The following TYRO3 variants were observed in gnomAD, a reference collection of about 807,000 sequenced individuals.
TYRO3 encodes TYRO3 protein tyrosine kinase, also known as tyrosine-protein kinase receptor TYRO3.
TYRO3 carries 38 observed loss-of-function variants against 95.2 expected under a neutral mutation model. The observed-to-expected ratio is 0.40, with a 90% CI of 0.31 to 0.52. TYRO3 has a LOEUF of 0.52. Among genes scored for constraint, TYRO3 ranks in the 20% least tolerant of loss-of-function variants. The pLI, the probability that TYRO3 is intolerant of heterozygous loss-of-function variation, is 0.56. For synonymous variants in TYRO3, 367 were observed against 432.9 expected (o/e 0.85, Z 1.89); for missense variants, 812 against 1,116.4 (o/e 0.73, Z 3.89).
At chr15:41,561,490 A>C in intron 2 of TYRO3, 49 bp from the exon 3 acceptor site, 1 of 1,544,224 alleles carries the variant, frequency 6.5e-7, no homozygotes, top group Non-Finnish European at 8.8e-7. Flanking sequence ...TGCCCAGCAG[A>C]GCTGCCGCCC....
Position 41,582,572 on chromosome 15 carries a change from C to T in TYRO3, c.*4296C>T, listed in dbSNP as rs2055933074. On this transcript the variant is annotated 3_prime_UTR_variant, in exon 19 of 19. Coordinates refer to ENST00000263798, the MANE Select transcript of TYRO3 (RefSeq NM_006293.4). ...TGGTGGGTGCCTGTAATCCCAGCTACTTGGGAGGCTGAGGTAGGAGAATTG... is the reference window on the plus strand; with the variant it reads ...TGGTGGGTGCCTGTAATCCCAGCTATTTGGGAGGCTGAGGTAGGAGAATTG... The T allele has an allele frequency of 6.6e-6, 1 of 151,536 alleles. No homozygotes were observed. Among genetic ancestry groups the T allele is most frequent in the Admixed American group, 6.6e-5 (1 of 15,184 alleles). The allele number at this position is 151,536 out of a possible 1,614,324, so 9.4% of individuals were successfully genotyped here.
At chr15:41,562,403 G>C in intron 3 of TYRO3, 145 bp from the exon 4 acceptor site, 1 of 625,982 alleles carries the variant, frequency 1.6e-6, no homozygotes, top group Non-Finnish European at 2.5e-6. Flanking sequence ...TCTCAAGCTA[G>C]ATGCCTGTTC....
At chr15:41,564,293 A>AG in intron 5 of TYRO3, 23 bp downstream of exon 5, 1 of 1,574,950 alleles carries the variant, frequency 6.3e-7, no homozygotes, top group South Asian at 1.1e-5. Flanking sequence ...GCAGGGAGGA[A>AG]GGGTGGATGA....
chr15:41,568,835 C>T (rs1309607951), intron 8 of TYRO3, 43 bp from the exon 9 acceptor site: 1 of 1,595,380 alleles, frequency 6.3e-7, no homozygotes, highest in African/African-American at 1.3e-5. Context: ...TGGAGGCCTT[C>T]TCCCCAGGCT....
chr15:41,573,969 T>C (rs2140833987), intron 18 of TYRO3, among the ~76,000 whole-genome samples, 154 bp downstream of exon 18: 1 of 152,308 alleles, frequency 6.6e-6, no homozygotes, highest in South Asian at 2.1e-4. Flanking sequence ...TCACTGTTCA[T>C]CTACCACCTC....
chr15:41,564,449 C>G (rs2055696637), intron 5 of TYRO3, among the ~76,000 whole-genome samples, 179 bp downstream of exon 5: 1 of 152,138 alleles, frequency 6.6e-6, no homozygotes, highest in South Asian at 2.1e-4. Context: ...CCCTGCGTGG[C>G]TGAGATGAGA....
chr15:41,576,944 GCATA>G (rs2055868524), intron 18 of TYRO3, among the ~76,000 whole-genome samples: 1 of 151,890 alleles, frequency 6.6e-6, no homozygotes, highest in Middle Eastern at 3.4e-3. Flanking sequence ...GACTACAGGT[GCATA>G]CCACTGTGTC....
chr15:41,578,523 C>G lies in TYRO3; in HGVS notation c.*247C>G, dbSNP rs192281855. On this transcript the variant is annotated 3_prime_UTR_variant, in exon 19 of 19. Transcript: ENST00000263798. ...ATGGAAGTGGGCCAGTCCTGGTTGT[C>G]TGAACCCAGGCAGCTGGCAGGAGTG... 21 of 576,452 alleles carry G rather than the reference C, an allele frequency of 3.6e-5. No homozygotes were observed. The African/African-American group carries it at 3.8e-4, about 10-fold the overall frequency. The allele number at this position is 576,452 out of a possible 1,614,324, so 35.7% of individuals were successfully genotyped here. A position where few individuals can be genotyped will look rare whatever the true frequency, so the allele number is the denominator to read the frequency against.
intron 9 of TYRO3, 29 bp downstream of exon 9, chr15:41,569,051 G>A (rs200548083): frequency 2.0e-4 from 323 of 1,610,800 alleles, no homozygotes; most frequent in Admixed American, 2.7e-4. Context: ...GAGGGGCAGA[G>A]GCTCAGGGGA....
chr15:41,578,546 G>A lies in TYRO3; in HGVS notation c.*270G>A, dbSNP rs1357101746. On this transcript the variant is annotated 3_prime_UTR_variant, in exon 19 of 19. Transcript: ENST00000263798. ...GTCTGAACCCAGGCAGCTGGCAGGAGTGGGGTGGTTATGTTTCCATGGTTA... is the reference window on the plus strand; with the variant it reads ...GTCTGAACCCAGGCAGCTGGCAGGAATGGGGTGGTTATGTTTCCATGGTTA... The A allele has an allele frequency of 7.4e-6, 4 of 536,928 alleles. No individual in the cohort carries two copies. Among genetic ancestry groups the A allele is most frequent in the Admixed American group, 3.3e-5 (1 of 30,544 alleles). The allele number at this position is 536,928 out of a possible 1,614,324, so 33.3% of individuals were successfully genotyped here. A position where few individuals can be genotyped will look rare whatever the true frequency, so the allele number is the denominator to read the frequency against.
In TYRO3 at chr15:41,559,300, C is replaced by T; in HGVS notation, c.43C>T (p.Leu15=). ...RSMGRPGLPP[L]PLPPPPRLGL... is the part of the protein sequence containing the mutation. ...CATGGGGCGGCCGGGGCTCCCGCCG[C>T]TGCCGCTGCCGCCGCCACCGCGGCT... Residue 15 remains leucine, a synonymous_variant, in exon 1 of 19, where the codon CTG becomes TTG. Coordinates refer to ENST00000263798, the MANE Select transcript of TYRO3 (RefSeq NM_006293.4). The T allele has an allele frequency of 1.6e-6, 1 of 625,692 alleles. No individual in the cohort carries two copies. Among genetic ancestry groups the T allele is most frequent in the South Asian group, 7.0e-5 (1 of 14,304 alleles). 38.8% of individuals were successfully genotyped at this position (625,692 alleles called of 1,614,324 possible). A position where few individuals can be genotyped will look rare whatever the true frequency, so the allele number is the denominator to read the frequency against.
rs2055897012 is a variant in TYRO3 at position 41,579,209 on chromosome 15, C to G, written c.*933C>G. The G allele has an allele frequency of 6.6e-6, 1 of 152,352 alleles. No homozygotes were observed. The highest frequency in any genetic ancestry group is 2.4e-5 in the African/African-American group (1 of 41,438). The allele number at this position is 152,352 out of a possible 1,614,324, so 9.4% of individuals were successfully genotyped here. A position where few individuals can be genotyped will look rare whatever the true frequency, so the allele number is the denominator to read the frequency against. ...AATCAGGCCTGATGAGGGGGAATTC[C>G]TGGAACCTGGACCCCAGCCTTGGTG... On this transcript the variant is annotated 3_prime_UTR_variant, in exon 19 of 19. Transcript: ENST00000263798.
rs749344285 is a variant in TYRO3 at position 41,561,120 on chromosome 15, C to T, written c.125-7C>T. On this transcript the variant is annotated splice_polypyrimidine_tract_variant and splice_region_variant and intron_variant, in intron 1 of 18. Transcript: ENST00000263798. The stretch of plus-strand genomic sequence containing the variant: ...AAGGCTGACACATGTTCCTTCCCAC[C>T]CCTCAGGTCTGAAGCTCATGGGAGC... The T allele has an allele frequency of 3.9e-6, 4 of 1,013,328 alleles. No homozygotes were observed. The highest frequency in any genetic ancestry group is 1.3e-5 in the South Asian group (1 of 79,636). 62.8% of individuals were successfully genotyped at this position (1,013,328 alleles called of 1,614,324 possible).
chr15:41,570,485 C>A, intron 11 of TYRO3, 119 bp from the exon 12 acceptor site: 1 of 1,382,366 alleles, frequency 7.2e-7, no homozygotes, highest in Non-Finnish European at 1.0e-6. Context: ...GTTCACCACC[C>A]CAGCCGTGGG....
In TYRO3 at chr15:41,581,442, G is replaced by A; in HGVS notation, c.*3166G>A. On this transcript the variant is annotated 3_prime_UTR_variant, in exon 19 of 19. Coordinates refer to ENST00000263798, the MANE Select transcript of TYRO3 (RefSeq NM_006293.4). ...TGAAACCTGAAAAACTTCCAGGCAAGTAGCTTTCAGAATCTTTCCTGCTGT... is the reference window on the plus strand; with the variant it reads ...TGAAACCTGAAAAACTTCCAGGCAAATAGCTTTCAGAATCTTTCCTGCTGT... The A allele has an allele frequency of 6.5e-6, 1 of 153,240 alleles. No homozygotes were observed. Among genetic ancestry groups the A allele is most frequent in the East Asian group, 1.9e-4 (1 of 5,192 alleles). 9.5% of individuals were successfully genotyped at this position (153,240 alleles called of 1,614,324 possible).
Position 41,567,415 on chromosome 15 carries a change from C to G in TYRO3, c.839C>G (p.Pro280Arg), listed in dbSNP as rs1319921722. The G allele has an allele frequency of 6.2e-7, 1 of 1,609,692 alleles. No individual in the cohort carries two copies. The highest frequency in any genetic ancestry group is 1.7e-5 in the Admixed American group (1 of 59,594). Residue 280 changes from proline (P) to arginine (R), a missense_variant, in exon 7 of 19, where the codon CCC becomes CGC. Transcript: ENST00000263798. ...EVLAVVVPVPPFTCLLRDLVP... is the reference protein window; with the variant it reads ...EVLAVVVPVPRFTCLLRDLVP... The stretch of plus-strand genomic sequence containing the variant: ...CTGGCTGTTGTGGTCCCTGTGCCCC[C>G]CTTTACCTGCCTGCTCCGGGACCTG...
At chr15:41,560,428 T>TGTGTGTGTGTGTGCGCGCGCGC (rs1408766845) in intron 1 of TYRO3, among the ~76,000 whole-genome samples, 1 of 135,256 alleles carries the variant, frequency 7.4e-6, no homozygotes, top group Non-Finnish European at 1.6e-5. Context: ...TGTGTGTGTG[T>TGTGTGTGTGTGTGCGCGCGCGC]GCGCGCGCGC....
rs1479670934 is a variant in TYRO3, at chr15:41,570,220, A to C, written c.1383-20A>C. On this transcript the variant is annotated intron_variant, in intron 10 of 18. Coordinates refer to ENST00000263798, the MANE Select transcript of TYRO3 (RefSeq NM_006293.4). Reference sequence around the variant, plus strand: ...ATGAAAGACCTTGGAGCTGACCCCAAATCCTGGGTTTTCCTTTAGGCAAGC... The same window carrying C: ...ATGAAAGACCTTGGAGCTGACCCCACATCCTGGGTTTTCCTTTAGGCAAGC... 1 of 976,164 alleles carries C rather than the reference A, an allele frequency of 1.0e-6. No individual in the cohort carries two copies. The highest frequency in any genetic ancestry group is 2.3e-5 in the East Asian group (1 of 43,298). The allele number at this position is 976,164 out of a possible 1,614,324, so 60.5% of individuals were successfully genotyped here. A position where few individuals can be genotyped will look rare whatever the true frequency, so the allele number is the denominator to read the frequency against.
intron 6 of TYRO3, among the ~76,000 whole-genome samples, chr15:41,566,084 G>A (rs1717458935): frequency 6.6e-6 from 1 of 152,106 alleles, no homozygotes; most frequent in African/African-American, 2.4e-5. Context: ...AGGTGGAGAC[G>A]GGAGGATTGC....
Sources: allele counts gnomAD v4.1 joint callset (sites outside exome capture counted in the v4.1 genomes callset), GRCh38; gene constraint gnomAD v4.1.1; transcripts MANE v1.5; gene names NCBI Gene and HGNC (gene_info 2026-07-23, HGNC 2026-07-21).